Variants in NALCN observed in about 807,000 individuals in gnomAD.
NALCN encodes the protein sodium leak channel, non-selective, also known as sodium leak channel NALCN.
In NALCN, 111 loss-of-function variants were observed where a neutral mutation model predicts 225.3. The ratio of observed to expected loss-of-function variants is 0.49; its 90% confidence interval spans 0.42 to 0.58. The LOEUF is 0.58. Ranked by LOEUF, NALCN falls within the 20% of genes least tolerant of loss-of-function variation. The probability of loss-of-function intolerance (pLI) is 0.00; values close to 1 mark genes in which losing one functional copy is unlikely to be tolerated. For synonymous variants in NALCN, 764 were observed against 769.0 expected, an observed-to-expected ratio of 0.99 and a Z score of 0.11; for missense variants, 1,378 against 2,202.4, an observed-to-expected ratio of 0.63 and a Z score of 7.49.
intron 10 of NALCN, among the ~76,000 whole-genome samples, chr13:101,273,951 A>T (rs1046857759): frequency 6.6e-6 from 1 of 152,128 alleles, no homozygotes; most frequent in Admixed American, 6.6e-5. Context: ...AACATCCATT[A>T]ATCAGGGAGA....
intron 15 of NALCN, among the ~76,000 whole-genome samples, chr13:101,166,906 TA>T (rs911210901): frequency 4.6e-5 from 7 of 152,210 alleles, no homozygotes; most frequent in African/African-American, 1.7e-4. Flanking sequence ...TGATATAAGG[TA>T]AGGGCCAAAC....
At chr13:101,132,183 C>T (rs2036551440) in intron 17 of NALCN, among the ~76,000 whole-genome samples, 2 of 151,976 alleles carry the variant, frequency 1.3e-5, no homozygotes, top group South Asian at 4.1e-4. Context: ...CTACTTCCCA[C>T]AAGTTTGATG....
chr13:101,106,306 G>C (rs1204876195), intron 22 of NALCN, among the ~76,000 whole-genome samples: 2 of 152,114 alleles, frequency 1.3e-5, no homozygotes, highest in Middle Eastern at 3.2e-3. Context: ...GAGGTTCTGA[G>C]GGTTTGGACT....
intron 34 of NALCN, among the ~76,000 whole-genome samples, chr13:101,078,234 TCCACACACAG>T (rs2033388452): frequency 6.6e-6 from 1 of 151,234 alleles, no homozygotes; most frequent in African/African-American, 2.4e-5. Flanking sequence ...ACACACAGAG[TCCACACACAG>T]AGTCCCCACT....
At chr13:101,123,533 T>A (rs1310396064) in intron 18 of NALCN, among the ~76,000 whole-genome samples, 2 of 152,206 alleles carry the variant, frequency 1.3e-5, no homozygotes, top group Non-Finnish European at 2.9e-5. Context: ...GGTTGTCTAT[T>A]TCAATGAGAC....
intron 6 of NALCN, chr13:101,373,144 A>G (rs1384250865): frequency 3.1e-6 from 1 of 318,288 alleles, no homozygotes; most frequent in Non-Finnish European, 6.1e-6. Context: ...AAAGATAACA[A>G]CTCCATAGCT....
intron 7 of NALCN, among the ~76,000 whole-genome samples, chr13:101,301,612 T>A (rs182662103): frequency 1.2e-4 from 18 of 151,628 alleles, no homozygotes; most frequent in African/African-American, 4.4e-4. Context: ...TCCCAGCTAC[T>A]TGGGAGGCTG....
At chr13:101,270,800 C>T (rs187023786) in intron 10 of NALCN, among the ~76,000 whole-genome samples, 157 of 152,250 alleles carry the variant, frequency 1.0e-3, no homozygotes, top group Admixed American at 1.6e-3. Context: ...CACTTTCAAA[C>T]CCTGGGTTTA....
chr13:101,058,019 G>C lies in NALCN; in HGVS notation c.4943C>G (p.Ser1648Trp), dbSNP rs779956241. 6.2e-7 allele frequency: 1 copy of C among 1,613,584 alleles called. No homozygotes were observed. Among genetic ancestry groups the C allele is most frequent in the South Asian group, 1.1e-5 (1 of 91,072 alleles). ...ATCTTGCCGACTTCCTCCTCGATCC[G>C]ACAGCGTGGGGCTCAGGAGCTGCTG... ...SQQQLLSPTL[S>W]DRGGSRQDAA... Residue 1648 changes from serine (S) to tryptophan (W), a missense_variant, in exon 43 of 44, where the codon TCG becomes TGG. Transcript: ENST00000251127.
At chr13:101,067,847 C>A (rs1405358286) in intron 39 of NALCN, 71 bp downstream of exon 39, 1 of 1,058,644 alleles carries the variant, frequency 9.4e-7, no homozygotes, top group African/African-American at 1.6e-5. Flanking sequence ...ACCTGAAAAC[C>A]ATTTAAGTGT....
chr13:101,262,232 T>G (rs2140229183), intron 10 of NALCN, among the ~76,000 whole-genome samples: 1 of 152,348 alleles, frequency 6.6e-6, no homozygotes, highest in Middle Eastern at 3.4e-3. Flanking sequence ...CAAATGTTAT[T>G]TGTTTTATCT....
At chr13:101,199,835 G>A (rs16958622) in intron 13 of NALCN, among the ~76,000 whole-genome samples, 6,270 of 151,992 alleles carry the variant, frequency 0.041, 420 homozygotes, top group African/African-American at 0.14. Flanking sequence ...GGGATGCTCC[G>A]GGTGAAAACA....
intron 26 of NALCN, 81 bp from the exon 27 acceptor site, chr13:101,100,969 C>A (rs536105577): frequency 7.7e-5 from 82 of 1,063,158 alleles, no homozygotes; most frequent in Admixed American, 1.1e-4. Context: ...ATAAATAGGA[C>A]TTCTAAGATA....
chr13:101,323,945 G>C (rs1345807272), intron 7 of NALCN, among the ~76,000 whole-genome samples: 1 of 152,120 alleles, frequency 6.6e-6, no homozygotes, highest in Non-Finnish European at 1.5e-5. Flanking sequence ...CACTGAGATA[G>C]GTTCCTCTAT....
At chr13:101,408,957 G>A (rs61973737) in intron 1 of NALCN, among the ~76,000 whole-genome samples, 10,218 of 152,176 alleles carry the variant, frequency 0.067, 422 homozygotes, top group Non-Finnish European at 0.094. Context: ...CACTTTTTAT[G>A]AGTCTATTTC....
intron 18 of NALCN, among the ~76,000 whole-genome samples, chr13:101,121,968 T>TA (rs1176589661): frequency 7.5e-5 from 11 of 147,422 alleles, no homozygotes; most frequent in African/African-American, 1.7e-4. Context: ...TTTTTTTTTT[T>TA]AAAAAAAATT....
At chr13:101,279,537 C>T (rs1327097884) in intron 10 of NALCN, among the ~76,000 whole-genome samples, 1 of 152,120 alleles carries the variant, frequency 6.6e-6, no homozygotes, top group Non-Finnish European at 1.5e-5. Context: ...ATAAAAAGGG[C>T]CGGGCGCGGT....
chr13:101,283,620 C>G (rs914719334), intron 10 of NALCN, among the ~76,000 whole-genome samples: 1 of 152,264 alleles, frequency 6.6e-6, no homozygotes, highest in South Asian at 2.1e-4. Context: ...TTGCCCACTG[C>G]CACATAACTC....
At chr13:101,118,400 G>C (rs187590084) in intron 18 of NALCN, among the ~76,000 whole-genome samples, 1 of 151,878 alleles carries the variant, frequency 6.6e-6, no homozygotes, top group Non-Finnish European at 1.5e-5. Flanking sequence ...TTTGATTACC[G>C]CAAATCAGGT....
Sources: gnomAD v4.1 joint callset for allele counts (sites outside exome capture counted in the v4.1 genomes callset) on GRCh38, gnomAD v4.1.1 for gene constraint, MANE v1.5 for transcripts, NCBI Gene and HGNC (gene_info 2026-07-23, HGNC 2026-07-21) for gene names.